ATP10B: variants seen among roughly 807,000 people sequenced by gnomAD.
ATP10B encodes the protein ATPase phospholipid transporting 10B (putative).
In ATP10B, 122 loss-of-function variants were observed where a neutral mutation model predicts 141.2. That is an observed-to-expected ratio of 0.86 (90% CI 0.75 to 1.00). The LOEUF is 1.00. Among genes scored for constraint, ATP10B ranks in the 50% least tolerant of loss-of-function variants. The pLI, the probability that ATP10B is intolerant of heterozygous loss-of-function variation, is 0.00. For missense variants in ATP10B, 1,876 were observed against 1,825.3 expected (o/e 1.03, Z -0.51); for synonymous variants, 685 against 692.0 (o/e 0.99, Z 0.16).
chr5:160,834,545 T>G (rs1018058623), intron 1 of ATP10B, among the ~76,000 whole-genome samples: 1 of 152,144 alleles, frequency 6.6e-6, no homozygotes, highest in African/African-American at 2.4e-5. Flanking sequence ...GGCAACATTC[T>G]TTATGAAATG....
intron 7 of ATP10B, among the ~76,000 whole-genome samples, chr5:160,666,640 C>T (rs1460815058): frequency 1.3e-5 from 2 of 152,158 alleles, no homozygotes; most frequent in Admixed American, 6.5e-5. Flanking sequence ...TTGTTCAATA[C>T]GTTAGGGAAA....
intron 13 of ATP10B, among the ~76,000 whole-genome samples, chr5:160,629,096 A>T (rs1758770015): frequency 6.6e-6 from 1 of 152,130 alleles, no homozygotes; most frequent in African/African-American, 2.4e-5. Flanking sequence ...GAGTTCACTA[A>T]GGGAAGGTAA....
the ATP10B span, among the ~76,000 whole-genome samples, chr5:160,892,834 A>G: frequency 9.9e-4 from 151 of 152,244 alleles, 1 homozygote; most frequent in African/African-American, 3.5e-3. Context: ...CTGCATTTCA[A>G]ACTGAGGTAC....
At chr5:160,677,835 C>A (rs1763128810) in intron 6 of ATP10B, among the ~76,000 whole-genome samples, 1 of 152,216 alleles carries the variant, frequency 6.6e-6, no homozygotes. Context: ...TTAAATTCTG[C>A]CTGGTCAATC....
intron 1 of ATP10B, among the ~76,000 whole-genome samples, chr5:160,819,274 A>G (rs1046606444): frequency 2.0e-5 from 3 of 152,178 alleles, no homozygotes; most frequent in Admixed American, 1.3e-4. Context: ...GCATAGCATG[A>G]CATACTTAAA....
At chr5:160,857,284 G>C in the ATP10B span, among the ~76,000 whole-genome samples, 1 of 151,130 alleles carries the variant, frequency 6.6e-6, no homozygotes, top group African/African-American at 2.4e-5. Context: ...GTGAGTTTTG[G>C]TAGTTTGTAT....
intron 1 of ATP10B, among the ~76,000 whole-genome samples, chr5:160,848,495 A>G (rs1753573743): frequency 6.6e-6 from 1 of 152,240 alleles, no homozygotes; most frequent in South Asian, 2.1e-4. Context: ...TTCTCTAAAT[A>G]CATTCACTGC....
At chr5:160,721,204 T>C (rs1765980469) in intron 2 of ATP10B, among the ~76,000 whole-genome samples, 2 of 152,252 alleles carry the variant, frequency 1.3e-5, no homozygotes, top group Non-Finnish European at 2.9e-5. Context: ...TCTGTCCGTA[T>C]GGACTGTTAA....
chr5:160,623,575 C>T lies in ATP10B; in HGVS notation c.1621-990G>A, dbSNP rs7733466. On this transcript the variant is annotated intron_variant, in intron 13 of 25. Coordinates refer to ENST00000327245, the MANE Select transcript of ATP10B (RefSeq NM_025153.3). Reference sequence around the variant, plus strand: ...TTCTTCTTTGGAAGAAAAAAGAGGACGGGCTGGATCTGACCCATGGATTTC... The same window carrying T: ...TTCTTCTTTGGAAGAAAAAAGAGGATGGGCTGGATCTGACCCATGGATTTC... Among the ~76,000 whole-genome samples the T allele has an allele frequency of 2.5e-3, 378 of 151,908 alleles. 1 individual carries two copies. Among genetic ancestry groups the T allele is most frequent in the African/African-American group, 8.4e-3 (348 of 41,384 alleles).
chr5:160,724,065 A>G (rs1766163257), intron 2 of ATP10B, among the ~76,000 whole-genome samples: 1 of 152,154 alleles, frequency 6.6e-6, no homozygotes, highest in African/African-American at 2.4e-5. Flanking sequence ...GTAAGTGGGA[A>G]CTAAATGATG....
chr5:160,636,407 G>T (rs944071128), intron 10 of ATP10B, 98 bp from the exon 11 acceptor site: 1 of 1,295,580 alleles, frequency 7.7e-7, no homozygotes, highest in Non-Finnish European at 1.1e-6. Context: ...AAATGGGTGT[G>T]CTTTGGAGGA....
the ATP10B span, among the ~76,000 whole-genome samples, chr5:160,910,731 G>A: frequency 6.6e-6 from 1 of 152,142 alleles, no homozygotes; most frequent in Non-Finnish European, 1.5e-5. Flanking sequence ...CAAATTTTAA[G>A]GCTGGATCTG....
intron 22 of ATP10B, among the ~76,000 whole-genome samples, chr5:160,598,144 C>T: frequency 6.6e-6 from 1 of 150,662 alleles, no homozygotes; most frequent in Non-Finnish European, 1.5e-5. Flanking sequence ...ACCCAAATGT[C>T]CAACAATGAT....
the ATP10B span, among the ~76,000 whole-genome samples, chr5:160,926,249 C>T: frequency 6.6e-6 from 1 of 152,264 alleles, no homozygotes; most frequent in Non-Finnish European, 1.5e-5. Flanking sequence ...TTATCTCTAT[C>T]GTGGCACAAG....
intron 6 of ATP10B, 36 bp downstream of exon 6, chr5:160,686,043 A>G: frequency 1.3e-6 from 2 of 1,481,586 alleles, no homozygotes. Context: ...TGCCTAACCC[A>G]TTTGCAAGAG....
rs115400871 is a variant in ATP10B, at chr5:160,766,488, G to A, written c.-331+19071C>T. ...GAACATTATTCTAAGTAGGTAACTC[G>A]GTAATGGAAAATCAAATGTTGTATG... On this transcript the variant is annotated intron_variant, in intron 2 of 25. Transcript: ENST00000327245. Among the ~76,000 whole-genome samples the A allele has an allele frequency of 1.4e-3, 218 of 152,140 alleles. 4 individuals carry two copies. The East Asian group carries it at 0.031, about 22-fold the overall frequency.
At chr5:160,840,596 T>C (rs977392518) in intron 1 of ATP10B, among the ~76,000 whole-genome samples, 1 of 152,086 alleles carries the variant, frequency 6.6e-6, no homozygotes, top group Non-Finnish European at 1.5e-5. Flanking sequence ...GTAACTTTAC[T>C]GCAAGAAAAT....
At chr5:160,866,767 G>A in the ATP10B span, among the ~76,000 whole-genome samples, 1 of 152,050 alleles carries the variant, frequency 6.6e-6, no homozygotes, top group African/African-American at 2.4e-5. Flanking sequence ...GAGGAATAAA[G>A]ACTACATATT....
chr5:160,653,691 TA>T (rs1449297195), intron 7 of ATP10B, among the ~76,000 whole-genome samples: 7 of 127,286 alleles, frequency 5.5e-5, no homozygotes, highest in African/African-American at 1.8e-4. Flanking sequence ...CATATATACA[TA>T]TATACATATA....
Sources: gnomAD v4.1 joint callset for allele counts (sites outside exome capture counted in the v4.1 genomes callset) on GRCh38, gnomAD v4.1.1 for gene constraint, MANE v1.5 for transcripts, NCBI Gene and HGNC (gene_info 2026-07-23, HGNC 2026-07-21) for gene names.